The following AFF1 variants were observed in gnomAD, a reference collection of about 807,000 sequenced individuals.
AFF1 encodes the protein ALF transcription elongation factor 1, also known as AF4/FMR2 family member 1.
Under a neutral mutation model 121.7 loss-of-function variants are expected in AFF1, and 48 were observed. That is an observed-to-expected ratio of 0.39 (90% CI 0.31 to 0.50). The LOEUF (loss-of-function observed/expected upper bound fraction) is 0.50. AFF1 is among the 20% of genes least tolerant of loss of function. AFF1 has a pLI of 0.76. For missense variants in AFF1, 1,523 were observed against 1,511.7 expected, an observed-to-expected ratio of 1.01 and a Z score of -0.12; for synonymous variants, 613 against 563.0, an observed-to-expected ratio of 1.09 and a Z score of -1.26.
chr4:87,001,505 C>T (rs769598030), intron 2 of AFF1, among the ~76,000 whole-genome samples: 6 of 152,120 alleles, frequency 3.9e-5, no homozygotes, highest in African/African-American at 1.2e-4. Context: ...CGTGAGCCAC[C>T]GCGCCCGGCT....
chr4:86,996,041 A>G (rs925682793), intron 2 of AFF1, among the ~76,000 whole-genome samples: 3 of 146,880 alleles, frequency 2.0e-5, no homozygotes, highest in East Asian at 2.0e-4. Flanking sequence ...CCCAGCAGCC[A>G]CCCCGTCTGG....
intron 2 of AFF1, among the ~76,000 whole-genome samples, chr4:87,010,823 C>A (rs1004660519): frequency 3.9e-5 from 6 of 152,142 alleles, no homozygotes; most frequent in African/African-American, 1.4e-4. Context: ...TGTGGTGGCT[C>A]ACGCCTGTAA....
intron 7 of AFF1, among the ~76,000 whole-genome samples, chr4:87,092,895 G>A (rs1724458326): frequency 6.6e-6 from 1 of 152,136 alleles, no homozygotes; most frequent in African/African-American, 2.4e-5. Flanking sequence ...CCAGTGGAGT[G>A]TGCACAGGTC....
chr4:87,121,524 G>A (rs185594862), intron 12 of AFF1, among the ~76,000 whole-genome samples: 1 of 152,276 alleles, frequency 6.6e-6, no homozygotes, highest in Non-Finnish European at 1.5e-5. Flanking sequence ...GCCTACTCTG[G>A]GGAAGCCTCT....
chr4:87,014,524 G>C (rs76710035), intron 2 of AFF1, among the ~76,000 whole-genome samples: 5 of 152,228 alleles, frequency 3.3e-5, no homozygotes, highest in Non-Finnish European at 7.3e-5. Context: ...GTCACTTCCT[G>C]TAACAAAATT....
At chr4:87,045,457 A>G (rs894277720) in intron 2 of AFF1, among the ~76,000 whole-genome samples, 6 of 147,824 alleles carry the variant, frequency 4.1e-5, no homozygotes, top group Non-Finnish European at 7.5e-5. Context: ...AATGCCGTTT[A>G]ACCCCTTTAG....
chr4:86,983,614 A>AAT (rs1560517105), intron 2 of AFF1, among the ~76,000 whole-genome samples: 1 of 152,090 alleles, frequency 6.6e-6, no homozygotes, highest in African/African-American at 2.4e-5. Flanking sequence ...AATCTCAGCT[A>AAT]CTGAGAATTG....
In AFF1 at chr4:87,126,100, C is replaced by A. The variant is rs2149791180; in HGVS notation, c.2575C>A (p.Pro859Thr). ...GTTTTACGTGATGTTTCACTCCAGG[C>A]CCTCCAGGCCCTCCTCACAGTCCTC... ...SSHKESSKTK[P>T]SRPSSQSSKK... Residue 859 changes from proline (P) to threonine (T), a missense_variant and splice_region_variant, in exon 14 of 21, where the codon CCC becomes ACC. Pro to Thr is a conservative substitution (Grantham distance 38). This residue lies in a region of AFF1 where 905 missense variants were observed against 842.5 expected (regional missense o/e 1.07). Transcript: ENST00000395146. 1 of 1,613,854 alleles carries A rather than the reference C, an allele frequency of 6.2e-7. No individual in the cohort carries two copies. The highest frequency in any genetic ancestry group is 1.1e-5 in the South Asian group (1 of 91,054).
intron 1 of AFF1, among the ~76,000 whole-genome samples, chr4:86,945,779 A>AC (rs1720817474): frequency 6.6e-6 from 1 of 152,042 alleles, no homozygotes; most frequent in Non-Finnish European, 1.5e-5. Flanking sequence ...GGCATGAGCC[A>AC]CCATGCTTGG....
At chr4:86,989,477 A>T (rs1208347760) in intron 2 of AFF1, among the ~76,000 whole-genome samples, 1 of 152,234 alleles carries the variant, frequency 6.6e-6, no homozygotes, top group African/African-American at 2.4e-5. Context: ...CCACAATGAG[A>T]TACCATCTCA....
At chr4:86,953,953 T>C (rs1056332911) in intron 2 of AFF1, among the ~76,000 whole-genome samples, 1 of 152,094 alleles carries the variant, frequency 6.6e-6, no homozygotes, top group Admixed American at 6.5e-5. Flanking sequence ...TTAGGTGATC[T>C]ACCTGCCTCG....
chr4:87,076,615 A>G lies in AFF1; in HGVS notation c.1060-7505A>G, dbSNP rs530960549. 5.9e-5 allele frequency among the ~76,000 whole-genome samples: 9 copies of G among 152,280 alleles called. No homozygotes were observed. The South Asian group carries it at 1.9e-3, about 32-fold the overall frequency. ...AGAGCACCTTATTCCTTGTTTTGTAATCCATCACCCCTCCATCCATATTAA... is the reference window on the plus strand; with the variant it reads ...AGAGCACCTTATTCCTTGTTTTGTAGTCCATCACCCCTCCATCCATATTAA... On this transcript the variant is annotated intron_variant, in intron 4 of 20. Coordinates refer to ENST00000395146, the MANE Select transcript of AFF1 (RefSeq NM_001166693.3).
At chr4:87,127,764 G>A (rs1227234545) in intron 16 of AFF1, 61 bp downstream of exon 16, 1 of 1,547,742 alleles carries the variant, frequency 6.5e-7, no homozygotes, top group African/African-American at 1.4e-5. Flanking sequence ...AAAATTTTTG[G>A]TAGTCTCCAT....
chr4:87,007,209 C>A (rs1364342961), intron 2 of AFF1: 2 of 1,433,122 alleles, frequency 1.4e-6, no homozygotes, highest in African/African-American at 2.9e-5. Flanking sequence ...TCAGGATTAG[C>A]GCGAGCCAAT....
At chr4:86,989,472 A>G (rs566467723) in intron 2 of AFF1, among the ~76,000 whole-genome samples, 6 of 152,356 alleles carry the variant, frequency 3.9e-5, no homozygotes, top group South Asian at 4.1e-4. Context: ...CAAAACCACA[A>G]TGAGATACCA....
intron 2 of AFF1, among the ~76,000 whole-genome samples, chr4:86,955,723 AT>A (rs1162630936): frequency 4.6e-5 from 7 of 152,132 alleles, no homozygotes; most frequent in African/African-American, 1.7e-4. Flanking sequence ...GTGGGACATG[AT>A]TTTATCGTCT....
chr4:86,955,993 G>A (rs973083065), intron 2 of AFF1, among the ~76,000 whole-genome samples: 2 of 152,312 alleles, frequency 1.3e-5, no homozygotes, highest in Non-Finnish European at 2.9e-5. Context: ...CTTTGTGCAA[G>A]TAAATCAAGG....
At chr4:87,022,638 G>GTATATATGTGTGTGTA in intron 2 of AFF1, among the ~76,000 whole-genome samples, 1 of 66,646 alleles carries the variant, frequency 1.5e-5, no homozygotes, top group Non-Finnish European at 2.8e-5. Flanking sequence ...ATATGTGCGT[G>GTATATATGTGTGTGTA]TATATATGTG....
intron 2 of AFF1, among the ~76,000 whole-genome samples, chr4:86,990,968 G>A (rs1037732036): frequency 6.6e-6 from 1 of 151,922 alleles, no homozygotes; most frequent in East Asian, 1.9e-4. Flanking sequence ...CCTGGCCAAC[G>A]TAGTGAAACC....
Sources: allele counts gnomAD v4.1 joint callset (sites outside exome capture counted in the v4.1 genomes callset), GRCh38; gene constraint gnomAD v4.1.1; regional missense constraint gnomAD v4.1.1; transcripts MANE v1.5; gene names NCBI Gene and HGNC (gene_info 2026-07-23, HGNC 2026-07-21).